Variants in SYT13 observed in about 807,000 individuals in gnomAD.
SYT13 encodes synaptotagmin 13.
SYT13 carries 21 observed loss-of-function variants against 38.6 expected under a neutral mutation model. The observed-to-expected ratio is 0.54, with a 90% CI of 0.39 to 0.78. The LOEUF (loss-of-function observed/expected upper bound fraction) is 0.78. Ranked by LOEUF, SYT13 falls within the 30% of genes least tolerant of loss-of-function variation. The probability of loss-of-function intolerance (pLI) is 0.00; values close to 1 mark genes in which losing one functional copy is unlikely to be tolerated. For synonymous variants in SYT13, 241 were observed against 237.6 expected, an observed-to-expected ratio of 1.01 and a Z score of -0.13; for missense variants, 495 against 548.7, an observed-to-expected ratio of 0.90 and a Z score of 0.98.
Position 45,241,516 on chromosome 11 carries a change from C to CCCA in SYT13, c.*2535_*2536insTGG, listed in dbSNP as rs1854550925. On this transcript the variant is annotated 3_prime_UTR_variant, in exon 6 of 6. Coordinates refer to ENST00000020926, the MANE Select transcript of SYT13 (RefSeq NM_020826.3). ...TTTGAGATCCCTCCCCCGCCCCGCC[C>CCCA]CCCCAAAAAAAAGAAGAAGAAGAAT... 1 of 137,472 alleles carries CCCA rather than the reference C, an allele frequency of 7.3e-6. No homozygotes were observed. Among genetic ancestry groups the CCCA allele is most frequent in the Non-Finnish European group, 1.6e-5 (1 of 63,548 alleles). The allele number at this position is 137,472 out of a possible 1,614,324, so 8.5% of individuals were successfully genotyped here.
chr11:45,282,698 T>TA (rs1344265986), intron 1 of SYT13, among the ~76,000 whole-genome samples: 1 of 152,236 alleles, frequency 6.6e-6, no homozygotes, highest in African/African-American at 2.4e-5. Flanking sequence ...GTATGGATGA[T>TA]ACGCTATGGT....
chr11:45,285,153 C>T (rs149045129), intron 1 of SYT13, among the ~76,000 whole-genome samples: 1 of 152,322 alleles, frequency 6.6e-6, no homozygotes, highest in African/African-American at 2.4e-5. Context: ...TCCTGGTTCT[C>T]CAGAGAACAT....
chr11:45,256,779 C>T (rs1316318345), intron 1 of SYT13, among the ~76,000 whole-genome samples: 1 of 152,192 alleles, frequency 6.6e-6, no homozygotes, highest in Non-Finnish European at 1.5e-5. Flanking sequence ...GTTTGTCCTG[C>T]CTTCAAATCT....
chr11:45,251,885 C>T (rs911124544), intron 4 of SYT13, among the ~76,000 whole-genome samples: 3 of 152,198 alleles, frequency 2.0e-5, no homozygotes, highest in Non-Finnish European at 4.4e-5. Context: ...GCACACGGGG[C>T]CTTCTAGAAT....
chr11:45,251,629 T>A (rs911150676), intron 4 of SYT13, among the ~76,000 whole-genome samples: 1 of 152,100 alleles, frequency 6.6e-6, no homozygotes, highest in African/African-American at 2.4e-5. Context: ...CCCAGGGGCC[T>A]AAGTAACTAC....
At chr11:45,284,778 C>A (rs932393391) in intron 1 of SYT13, among the ~76,000 whole-genome samples, 1 of 152,180 alleles carries the variant, frequency 6.6e-6, no homozygotes, top group African/African-American at 2.4e-5. Flanking sequence ...CTCCCAACAC[C>A]TGGCCAGTGG....
At chr11:45,278,040 G>T (rs1483851216) in intron 1 of SYT13, among the ~76,000 whole-genome samples, 1 of 152,114 alleles carries the variant, frequency 6.6e-6, no homozygotes, top group Non-Finnish European at 1.5e-5. Context: ...GAAGAAAGAG[G>T]GAGGAACCCA....
intron 1 of SYT13, among the ~76,000 whole-genome samples, chr11:45,262,449 G>A (rs1468132271): frequency 6.6e-6 from 1 of 152,132 alleles, no homozygotes; most frequent in Non-Finnish European, 1.5e-5. Context: ...ACTGAGGCTG[G>A]GCGCGGTGGC....
chr11:45,242,284 A>G lies in SYT13; in HGVS notation c.*1768T>C, dbSNP rs1854560669. 6.6e-6 allele frequency: 1 copy of G among 152,212 alleles called. No individual in the cohort carries two copies. Among genetic ancestry groups the G allele is most frequent in the South Asian group, 2.1e-4 (1 of 4,830 alleles). 9.4% of individuals were successfully genotyped at this position (152,212 alleles called of 1,614,324 possible). Reference sequence around the variant, plus strand: ...CTCAGCTGCCAAATTAAAGTGAAAAATAGGCCGGGCGCGGTGGCTCAGGCC... The same window carrying G: ...CTCAGCTGCCAAATTAAAGTGAAAAGTAGGCCGGGCGCGGTGGCTCAGGCC... On this transcript the variant is annotated 3_prime_UTR_variant, in exon 6 of 6. Coordinates refer to ENST00000020926, the MANE Select transcript of SYT13 (RefSeq NM_020826.3).
intron 1 of SYT13, among the ~76,000 whole-genome samples, chr11:45,259,780 T>C (rs1286230196): frequency 6.6e-6 from 1 of 152,108 alleles, no homozygotes; most frequent in Non-Finnish European, 1.5e-5. Context: ...GATTCCACAG[T>C]AGTAGAAGTC....
intron 1 of SYT13, among the ~76,000 whole-genome samples, chr11:45,260,742 C>T (rs540895774): frequency 6.6e-6 from 1 of 152,312 alleles, no homozygotes; most frequent in African/African-American, 2.4e-5. Context: ...AGAAGAATCA[C>T]ACCCTCAGAT....
At chr11:45,260,789 C>T (rs951027355) in intron 1 of SYT13, among the ~76,000 whole-genome samples, 10 of 152,190 alleles carry the variant, frequency 6.6e-5, no homozygotes, top group African/African-American at 1.4e-4. Context: ...TTAGATTCTC[C>T]GCCTCACCTG....
Position 45,242,727 on chromosome 11 carries a change from A to G in SYT13, c.*1325T>C, listed in dbSNP as rs1282914138. Reference sequence around the variant, plus strand: ...TTCCTAGTCATTAGTCCTATCTTACACAGCTGGCCAAACAGGTGCTGAAGG... The same window carrying G: ...TTCCTAGTCATTAGTCCTATCTTACGCAGCTGGCCAAACAGGTGCTGAAGG... On this transcript the variant is annotated 3_prime_UTR_variant, in exon 6 of 6. Transcript: ENST00000020926. The G allele has an allele frequency of 1.3e-5, 2 of 152,226 alleles. No individual in the cohort carries two copies. The highest frequency in any genetic ancestry group is 3.9e-4 in the East Asian group (2 of 5,178). The allele number at this position is 152,226 out of a possible 1,614,324, so 9.4% of individuals were successfully genotyped here.
rs1250650916 is a variant in SYT13, at chr11:45,255,649, G to A, written c.409+17C>T. ...GGAGTGCTGCCCATGGAAGTGCAGG[G>A]GGCAGGAGACCCCTACCATTCTGAG... On this transcript the variant is annotated intron_variant, in intron 2 of 5. Transcript: ENST00000020926. 2 of 1,604,852 alleles carry A rather than the reference G, an allele frequency of 1.2e-6. No individual in the cohort carries two copies. The highest frequency in any genetic ancestry group is 2.2e-5 in the East Asian group (1 of 44,810).
At chr11:45,268,863 T>C (rs1183017030) in intron 1 of SYT13, among the ~76,000 whole-genome samples, 1 of 152,182 alleles carries the variant, frequency 6.6e-6, no homozygotes, top group Non-Finnish European at 1.5e-5. Flanking sequence ...TCAATCATCA[T>C]TCAACATTAA....
At chr11:45,285,601 C>T (rs1855124734) in intron 1 of SYT13, among the ~76,000 whole-genome samples, 1 of 152,114 alleles carries the variant, frequency 6.6e-6, no homozygotes, top group Admixed American at 6.5e-5. Flanking sequence ...TCTCACAGAC[C>T]CCAGTCTTCT....
chr11:45,240,366 T>G lies in SYT13; in HGVS notation c.*3686A>C, dbSNP rs1027610122. On this transcript the variant is annotated 3_prime_UTR_variant, in exon 6 of 6. Transcript: ENST00000020926. ...GCTCCAAAGTGTCACACCAGACATA[T>G]GACTACAATGTCTCATGCATCTTTT... 6.6e-6 allele frequency: 1 copy of G among 152,660 alleles called. No homozygotes were observed. Among genetic ancestry groups the G allele is most frequent in the Admixed American group, 6.5e-5 (1 of 15,282 alleles). The allele number at this position is 152,660 out of a possible 1,614,324, so 9.5% of individuals were successfully genotyped here.
At chr11:45,283,139 C>T (rs1015288138) in intron 1 of SYT13, among the ~76,000 whole-genome samples, 19 of 152,138 alleles carry the variant, frequency 1.2e-4, no homozygotes, top group African/African-American at 3.1e-4. Flanking sequence ...TGGAGTCAGA[C>T]CTTATGTAAA....
At chr11:45,282,220 G>C (rs1855083143) in intron 1 of SYT13, among the ~76,000 whole-genome samples, 1 of 152,226 alleles carries the variant, frequency 6.6e-6, no homozygotes, top group Non-Finnish European at 1.5e-5. Flanking sequence ...GCTGATGACA[G>C]AGAGGTCCCA....
Sources: allele counts gnomAD v4.1 joint callset (sites outside exome capture counted in the v4.1 genomes callset), GRCh38; gene constraint gnomAD v4.1.1; transcripts MANE v1.5; gene names NCBI Gene and HGNC (gene_info 2026-07-23, HGNC 2026-07-21).